The following IL2RB variants were observed in gnomAD, a reference collection of about 807,000 sequenced individuals.
The protein encoded by IL2RB is interleukin 2 receptor subunit beta.
Under a neutral mutation model 44.2 loss-of-function variants are expected in IL2RB, and 17 were observed. That is an observed-to-expected ratio of 0.38 (90% CI 0.26 to 0.58). The LOEUF is 0.58. Among genes scored for constraint, IL2RB ranks in the 20% least tolerant of loss-of-function variants. IL2RB has a pLI of 0.63. For missense variants in IL2RB, 624 were observed against 685.5 expected (o/e 0.91, Z 1.00); for synonymous variants, 286 against 297.9 (o/e 0.96, Z 0.41).
In IL2RB at chr22:37,136,285, C is replaced by T. The variant is rs749689794; in HGVS notation, c.646G>A (p.Glu216Lys). 1.1e-5 allele frequency: 17 copies of T among 1,612,848 alleles called. No individual in the cohort carries two copies. Among genetic ancestry groups the T allele is most frequent in the Admixed American group, 6.7e-5 (4 of 59,938 alleles). Residue 216 changes from glutamate (E) to lysine (K), a missense_variant, in exon 7 of 10, where the codon GAG becomes AAG. Glu to Lys is a moderately conservative substitution (Grantham distance 56). Coordinates refer to ENST00000216223, the MANE Select transcript of IL2RB (RefSeq NM_000878.5). ...CTCCAGGGGCTCCAGGTCGTGAACT[C>T]GCCTTGCAGAGGCTTGACCCGCACC... ...FQVRVKPLQG[E>K]FTTWSPWSQP...
At chr22:37,139,642 A>G (rs573094100) in intron 4 of IL2RB, among the ~76,000 whole-genome samples, 1 of 152,296 alleles carries the variant, frequency 6.6e-6, no homozygotes, top group South Asian at 2.1e-4. Flanking sequence ...AAGCCCCCAC[A>G]AAGGTACAGT....
intron 1 of IL2RB, among the ~76,000 whole-genome samples, chr22:37,169,071 G>T (rs377413232): frequency 6.6e-6 from 1 of 152,078 alleles, no homozygotes; most frequent in East Asian, 1.9e-4. Context: ...TTTCAGAGGG[G>T]TTCTTGCTTA....
intron 4 of IL2RB, among the ~76,000 whole-genome samples, chr22:37,139,819 T>C (rs186105105): frequency 2.6e-5 from 4 of 152,196 alleles, no homozygotes; most frequent in African/African-American, 7.2e-5. Flanking sequence ...GCACACAGCA[T>C]CCATCCCATG....
intron 8 of IL2RB, among the ~76,000 whole-genome samples, chr22:37,133,407 G>A (rs1217893663): frequency 6.6e-6 from 1 of 152,180 alleles, no homozygotes; most frequent in Non-Finnish European, 1.5e-5. Flanking sequence ...TCAGGAGAGC[G>A]GCAGTCACTC....
upstream of IL2RB, among the ~76,000 whole-genome samples, chr22:37,152,486 T>C (rs1255996807): frequency 6.6e-6 from 1 of 152,240 alleles, no homozygotes; most frequent in Non-Finnish European, 1.5e-5. Context: ...TTTAGGCTTT[T>C]TGAAATATAA....
At chr22:37,142,849 C>T in intron 3 of IL2RB, 1 of 422,620 alleles carries the variant, frequency 2.4e-6, no homozygotes, top group Non-Finnish European at 4.5e-6. Context: ...TTAATTAGGC[C>T]TTCAGAGCCG....
rs568480138 is a variant in IL2RB at position 37,136,151 on chromosome 22, G to T, written c.703+77C>A. 1.2e-5 allele frequency: 18 copies of T among 1,464,958 alleles called. No individual in the cohort carries two copies. The Admixed American group carries it at 3.3e-4, about 27-fold the overall frequency. 90.7% of individuals were successfully genotyped at this position (1,464,958 alleles called of 1,614,324 possible). A position where few individuals can be genotyped will look rare whatever the true frequency, so the allele number is the denominator to read the frequency against. On this transcript the variant is annotated intron_variant, in intron 7 of 9. Transcript: ENST00000216223. ...ACTGCTATACCCTCACCCCAGGCAG[G>T]GAGAGAATGGAGCAGCTCCTCCTCC...
At chr22:37,163,341 C>T (rs1384680228) in intron 1 of IL2RB, among the ~76,000 whole-genome samples, 4 of 152,206 alleles carry the variant, frequency 2.6e-5, no homozygotes, top group South Asian at 2.1e-4. Flanking sequence ...GCTAAGATCA[C>T]GTCAAATGCC....
intron 8 of IL2RB, 68 bp downstream of exon 8, chr22:37,135,260 A>G (rs1054439631): frequency 6.4e-6 from 6 of 937,970 alleles, no homozygotes; most frequent in South Asian, 2.7e-5. Flanking sequence ...GTGTGTGTGC[A>G]TGTGTGTGCA....
rs773911285 is a variant in IL2RB at position 37,132,486 on chromosome 22, G to C, written c.819-18C>G. ...TCTTCAGCCTGGACAGAGGAGAGGA[G>C]GGAAGGAGGAGGGTGAGAAAGGGAA... is the stretch of plus-strand genomic sequence containing the variant. On this transcript the variant is annotated intron_variant, in intron 8 of 9. Transcript: ENST00000216223. The C allele has an allele frequency of 1.9e-6, 3 of 1,602,112 alleles. No homozygotes were observed. The highest frequency in any genetic ancestry group is 3.3e-5 in the Admixed American group (2 of 59,802).
At chr22:37,158,515 G>T (rs568562667) in intron 1 of IL2RB, among the ~76,000 whole-genome samples, 9 of 152,064 alleles carry the variant, frequency 5.9e-5, no homozygotes, top group African/African-American at 2.2e-4. Flanking sequence ...CCAAGATTGC[G>T]CAACCGCACT....
At chr22:37,154,575 CTTTTTTTTTT>C (rs57147928), upstream of IL2RB, among the ~76,000 whole-genome samples, 1 of 141,608 alleles carries the variant, frequency 7.1e-6, no homozygotes, top group Admixed American at 7.1e-5. Context: ...CTTTTTTTTT[CTTTTTTTTTT>C]TTTGTTTTTT....
At chr22:37,151,244 C>T (rs1922475436), upstream of IL2RB, among the ~76,000 whole-genome samples, 1 of 152,182 alleles carries the variant, frequency 6.6e-6, no homozygotes, top group South Asian at 2.1e-4. Flanking sequence ...TTCATTATTG[C>T]CTGCCTTTTG....
At chr22:37,129,459 C>G (rs937562812) in intron 9 of IL2RB, among the ~76,000 whole-genome samples, 1 of 150,776 alleles carries the variant, frequency 6.6e-6, no homozygotes, top group Non-Finnish European at 1.5e-5. Context: ...TCCCCACCCC[C>G]ACCCCCTCCG....
Position 37,132,458 on chromosome 22 carries a change from C to T in IL2RB, c.829G>A (p.Val277Ile), listed in dbSNP as rs755741228. The T allele has an allele frequency of 1.9e-6, 3 of 1,613,812 alleles. No homozygotes were observed. The highest frequency in any genetic ancestry group is 4.5e-5 in the East Asian group (2 of 44,882). Residue 277 changes from valine (V) to isoleucine (I), a missense_variant, in exon 9 of 10, where the codon GTC (valine) becomes ATC (isoleucine). By Grantham distance (29) the Val-to-Ile change is conservative (BLOSUM62 3). This residue lies in a region of IL2RB where 255 missense variants were observed against 339.9 expected (regional missense o/e 0.75). Coordinates refer to ENST00000216223, the MANE Select transcript of IL2RB (RefSeq NM_000878.5). The part of the protein sequence containing the change: ...CRNTGPWLKK[V>I]LKCNTPDPSK... ...GGGTCTGGGGTGTTACACTTCAGGA[C>T]CTTCTTCAGCCTGGACAGAGGAGAG... is the stretch of plus-strand genomic sequence containing the variant.
rs1045913583 is a variant in IL2RB, at chr22:37,146,435, C to T, written c.-33-2230G>A. On this transcript the variant is annotated intron_variant, in intron 1 of 9. Transcript: ENST00000216223. The stretch of plus-strand genomic sequence containing the variant: ...GTGCATGTACCCAGGCCAAAGCACA[C>T]ACACACCGCACCTACCTGCCTGCAC... 2.0e-5 allele frequency among the ~76,000 whole-genome samples: 3 copies of T among 152,196 alleles called. No homozygotes were observed. In the South Asian group the frequency reaches 6.2e-4, roughly 32 times the overall value.
intron 8 of IL2RB, among the ~76,000 whole-genome samples, 174 bp downstream of exon 8, chr22:37,135,154 G>T (rs1324263469): frequency 6.6e-6 from 1 of 152,152 alleles, no homozygotes; most frequent in East Asian, 1.9e-4. Context: ...ACGAAGCACG[G>T]GTGTATCAGA....
chr22:37,164,675 C>A (rs192179612), intron 1 of IL2RB, among the ~76,000 whole-genome samples: 17 of 152,176 alleles, frequency 1.1e-4, no homozygotes, highest in African/African-American at 1.9e-4. Flanking sequence ...GAATGCAGAC[C>A]ACCAAGGAGG....
At chr22:37,171,793 C>T (rs971428782) in intron 1 of IL2RB, among the ~76,000 whole-genome samples, 2 of 152,184 alleles carry the variant, frequency 1.3e-5, no homozygotes, top group African/African-American at 4.8e-5. Flanking sequence ...TGCAGTTGTA[C>T]AGAATAGAAA....
Sources: gnomAD v4.1 joint callset for allele counts (sites outside exome capture counted in the v4.1 genomes callset) on GRCh38, gnomAD v4.1.1 for gene constraint, gnomAD v4.1.1 regional missense constraint, MANE v1.5 for transcripts, NCBI Gene and HGNC (gene_info 2026-07-23, HGNC 2026-07-21) for gene names.